ZNF804B: variants seen among roughly 807,000 people sequenced by gnomAD.
ZNF804B encodes the protein zinc finger 804B.
A neutral mutation model predicts 101.4 loss-of-function variants in ZNF804B; 80 were observed. That is an observed-to-expected ratio of 0.79 (90% CI 0.66 to 0.95). ZNF804B has a LOEUF of 0.95. Ranked by LOEUF, ZNF804B falls within the 40% of genes least tolerant of loss-of-function variation. The pLI is 0.00. For synonymous variants in ZNF804B, 622 were observed against 558.8 expected (o/e 1.11, Z -1.59); for missense variants, 1,673 against 1,561.9 (o/e 1.07, Z -1.20).
intron 1 of ZNF804B, among the ~76,000 whole-genome samples, chr7:88,830,375 A>G (rs1478839635): frequency 6.6e-6 from 1 of 152,088 alleles, no homozygotes; most frequent in African/African-American, 2.4e-5. Context: ...CTACACATAT[A>G]TAGACAAATA....
chr7:89,270,841 G>A (rs1453439851), intron 2 of ZNF804B, among the ~76,000 whole-genome samples: 1 of 152,130 alleles, frequency 6.6e-6, no homozygotes, highest in Non-Finnish European at 1.5e-5. Flanking sequence ...GTGAATGGGA[G>A]TTCACTCATG....
chr7:88,861,992 A>G (rs935303918), intron 1 of ZNF804B, among the ~76,000 whole-genome samples: 2 of 152,172 alleles, frequency 1.3e-5, no homozygotes, highest in African/African-American at 4.8e-5. Flanking sequence ...ACAACTGACA[A>G]TCACTTCAAC....
chr7:89,125,632 G>A (rs77485553), intron 1 of ZNF804B, among the ~76,000 whole-genome samples: 2,751 of 151,890 alleles, frequency 0.018, 91 homozygotes, highest in African/African-American at 0.063. Context: ...ATTGTTCTTC[G>A]AATGCTTAAA....
intron 1 of ZNF804B, among the ~76,000 whole-genome samples, chr7:89,102,925 A>T (rs932872407): frequency 1.3e-5 from 2 of 151,738 alleles, no homozygotes; most frequent in Non-Finnish European, 2.9e-5. Context: ...TCACAGAACC[A>T]TTTATTGAAT....
chr7:89,114,055 G>A (rs1053219839), intron 1 of ZNF804B, among the ~76,000 whole-genome samples: 1 of 152,108 alleles, frequency 6.6e-6, no homozygotes, highest in Non-Finnish European at 1.5e-5. Context: ...AACAGAAGTG[G>A]TTGAAGAATG....
intron 1 of ZNF804B, among the ~76,000 whole-genome samples, chr7:88,830,897 C>A (rs899913969): frequency 6.6e-6 from 1 of 151,614 alleles, no homozygotes; most frequent in South Asian, 2.1e-4. Flanking sequence ...TGTATTTGCC[C>A]ACTTTTGTAT....
chr7:88,770,911 T>C (rs1234600472), intron 1 of ZNF804B, among the ~76,000 whole-genome samples: 1 of 152,224 alleles, frequency 6.6e-6, no homozygotes, highest in Non-Finnish European at 1.5e-5. Context: ...CTTGCATTAT[T>C]TCCTTATAAG....
At chr7:88,947,059 T>A (rs1793144834) in intron 1 of ZNF804B, among the ~76,000 whole-genome samples, 1 of 151,938 alleles carries the variant, frequency 6.6e-6, no homozygotes, top group African/African-American at 2.4e-5. Context: ...GCTTTTACAC[T>A]TTTTTTGGGA....
intron 1 of ZNF804B, among the ~76,000 whole-genome samples, chr7:89,171,362 C>CCTCT (rs1791230381): frequency 1.2e-3 from 105 of 86,714 alleles, no homozygotes; most frequent in Middle Eastern, 6.6e-3. Context: ...CTTCTTCCTC[C>CCTCT]TCTTCCTCTT....
At chr7:88,948,922 A>C (rs1793178002) in intron 1 of ZNF804B, among the ~76,000 whole-genome samples, 1 of 151,880 alleles carries the variant, frequency 6.6e-6, no homozygotes, top group African/African-American at 2.4e-5. Flanking sequence ...ACTTCTCTAG[A>C]GTTTCAGATT....
intron 1 of ZNF804B, among the ~76,000 whole-genome samples, chr7:88,908,823 T>C (rs987003770): frequency 6.6e-6 from 1 of 151,816 alleles, no homozygotes; most frequent in Non-Finnish European, 1.5e-5. Flanking sequence ...TGTCTTCTAC[T>C]GGCCACTCTT....
At chr7:88,852,537 G>A (rs1791463068) in intron 1 of ZNF804B, among the ~76,000 whole-genome samples, 1 of 151,958 alleles carries the variant, frequency 6.6e-6, no homozygotes, top group South Asian at 2.1e-4. Flanking sequence ...CTGACCCCAT[G>A]AGGAAAAGGA....
At chr7:89,099,935 A>G (rs779744690) in intron 1 of ZNF804B, among the ~76,000 whole-genome samples, 18 of 152,252 alleles carry the variant, frequency 1.2e-4, no homozygotes, top group Middle Eastern at 3.4e-3. Context: ...AGAGGCTTCA[A>G]TCTTTTAGGT....
At chr7:89,138,560 G>A (rs1005291764) in intron 1 of ZNF804B, among the ~76,000 whole-genome samples, 4 of 151,992 alleles carry the variant, frequency 2.6e-5, no homozygotes, top group Non-Finnish European at 5.9e-5. Flanking sequence ...AAGACTTTGG[G>A]GGACTGTTGG....
chr7:88,999,923 GA>G (rs1258992068), intron 1 of ZNF804B, among the ~76,000 whole-genome samples: 1 of 152,020 alleles, frequency 6.6e-6, no homozygotes, highest in East Asian at 1.9e-4. Flanking sequence ...ATGTCCTAGT[GA>G]TATGTAACAG....
chr7:89,137,066 C>A (rs935053949), intron 1 of ZNF804B, among the ~76,000 whole-genome samples: 2 of 151,910 alleles, frequency 1.3e-5, no homozygotes, highest in African/African-American at 2.4e-5. Context: ...TCCAATTAAA[C>A]CTCTTTCTTT....
intron 1 of ZNF804B, among the ~76,000 whole-genome samples, chr7:88,817,589 G>T (rs1412060684): frequency 2.6e-5 from 4 of 152,130 alleles, no homozygotes; most frequent in Non-Finnish European, 4.4e-5. Context: ...TTCTAGAATA[G>T]CTTCAGGTTT....
chr7:88,901,441 G>A (rs972885433), intron 1 of ZNF804B, among the ~76,000 whole-genome samples: 1 of 151,660 alleles, frequency 6.6e-6, no homozygotes, highest in Non-Finnish European at 1.5e-5. Context: ...TCCATGAAAC[G>A]TCCATTATCA....
At chr7:89,279,130 A>C (rs1230315173) in intron 2 of ZNF804B, among the ~76,000 whole-genome samples, 1 of 152,012 alleles carries the variant, frequency 6.6e-6, no homozygotes, top group African/African-American at 2.4e-5. Flanking sequence ...ATGGGAGTTC[A>C]CTCATGATTT....
Sources: allele counts gnomAD v4.1 joint callset (sites outside exome capture counted in the v4.1 genomes callset), GRCh38; gene constraint gnomAD v4.1.1; transcripts MANE v1.5; gene names NCBI Gene and HGNC (gene_info 2026-07-23, HGNC 2026-07-21).